SMYD1: variants seen among roughly 807,000 people sequenced by gnomAD.
The protein encoded by SMYD1 is SET and MYND domain containing 1, also known as histone-lysine N-methyltransferase SMYD1.
A neutral mutation model predicts 54.0 loss-of-function variants in SMYD1; 49 were observed. The ratio of observed to expected loss-of-function variants is 0.91; its 90% CI spans 0.72 to 1.15. The LOEUF is 1.15. Ranked by LOEUF, SMYD1 falls within the 50% of genes most tolerant of loss-of-function variation. The pLI is 0.00. For synonymous variants in SMYD1, 269 were observed against 234.2 expected (o/e 1.15, Z -1.36); for missense variants, 653 against 639.6 (o/e 1.02, Z -0.23).
intron 1 of SMYD1, among the ~76,000 whole-genome samples, chr2:88,080,067 T>G (rs1674154844): frequency 6.6e-6 from 1 of 152,252 alleles, no homozygotes; most frequent in African/African-American, 2.4e-5. Context: ...GTCAGCCATG[T>G]GGACTCAACT....
In SMYD1 at chr2:88,086,984, C is replaced by T. The variant is rs1573109223; in HGVS notation, c.315-878C>T. The stretch of plus-strand genomic sequence containing the variant: ...CATCTCCCAATGCTATCCCTCCCCC[C>T]TCCCCCCACCCCACCACAGTCCCCA... On this transcript the variant is annotated intron_variant, in intron 2 of 9. Transcript: ENST00000419482. 5.5e-5 allele frequency among the ~76,000 whole-genome samples: 6 copies of T among 108,254 alleles called. 1 individual carries two copies. The South Asian group carries it at 1.8e-3, about 33-fold the overall frequency. The allele number at this position is 108,254 out of a possible 152,430, so 71.0% of individuals were successfully genotyped here.
intron 5 of SMYD1, among the ~76,000 whole-genome samples, chr2:88,094,107 T>G (rs1257195742): frequency 6.6e-6 from 1 of 152,170 alleles, no homozygotes; most frequent in Non-Finnish European, 1.5e-5. Context: ...GGTCTTAGGG[T>G]GGGGTTGACA....
chr2:88,082,165 A>G (rs1407961696), intron 1 of SMYD1, among the ~76,000 whole-genome samples: 1 of 152,018 alleles, frequency 6.6e-6, no homozygotes, highest in African/African-American at 2.4e-5. Context: ...CCTAGTTATG[A>G]TGGGCTGCAT....
intron 5 of SMYD1, among the ~76,000 whole-genome samples, chr2:88,094,130 G>A (rs568849792): frequency 1.3e-5 from 2 of 152,318 alleles, no homozygotes; most frequent in East Asian, 3.9e-4. Context: ...TCTTGAAATA[G>A]TCTTTGGATT....
At chr2:88,109,721 A>C (rs1218683335) in intron 9 of SMYD1, among the ~76,000 whole-genome samples, 1 of 152,262 alleles carries the variant, frequency 6.6e-6, no homozygotes, top group East Asian at 1.9e-4. Flanking sequence ...TATAAAATGG[A>C]AATAATATAT....
intron 1 of SMYD1, among the ~76,000 whole-genome samples, chr2:88,072,440 T>G (rs1673969362): frequency 6.6e-6 from 1 of 152,230 alleles, no homozygotes; most frequent in South Asian, 2.1e-4. Context: ...CGTGAGCCAC[T>G]GCGCCTGGCA....
At chr2:88,106,552 T>C (rs1324278015) in intron 8 of SMYD1, 64 bp downstream of exon 8, 2 of 1,547,798 alleles carry the variant, frequency 1.3e-6, no homozygotes, top group African/African-American at 1.4e-5. Flanking sequence ...GGATGGCAAA[T>C]AGATGGCACA....
chr2:88,074,687 G>A (rs1674021292), intron 1 of SMYD1, among the ~76,000 whole-genome samples: 1 of 152,130 alleles, frequency 6.6e-6, no homozygotes, highest in South Asian at 2.1e-4. Flanking sequence ...AAAAACTTGA[G>A]CAGTCTCTAA....
chr2:88,096,739 A>G lies in SMYD1; in HGVS notation c.843A>G (p.Lys281=). 3.1e-6 allele frequency: 5 copies of G among 1,614,198 alleles called. No individual in the cohort carries two copies. Among genetic ancestry groups the G allele is most frequent in the Non-Finnish European group, 4.2e-6 (5 of 1,180,028 alleles). Reference sequence around the variant, plus strand: ...ACTGCACATGTGAACACTGCCAGAAAAAACTGAAGGATGACCTCTTCCTGG... The same window carrying G: ...ACTGCACATGTGAACACTGCCAGAAGAAACTGAAGGATGACCTCTTCCTGG... The part of the protein sequence containing the change: ...YFDCTCEHCQ[K]KLKDDLFLGV... The change falls in exon 6 of 10, where the codon AAA becomes AAG. Residue 281 remains lysine (K), a synonymous_variant. Transcript: ENST00000419482.
At chr2:88,080,367 T>C (rs751712829) in intron 1 of SMYD1, among the ~76,000 whole-genome samples, 1 of 152,220 alleles carries the variant, frequency 6.6e-6, no homozygotes, top group Non-Finnish European at 1.5e-5. Context: ...CACATATTAG[T>C]GTATACATGA....
At chr2:88,093,074 T>G (rs1674498193) in intron 4 of SMYD1, among the ~76,000 whole-genome samples, 1 of 152,194 alleles carries the variant, frequency 6.6e-6, no homozygotes, top group Non-Finnish European at 1.5e-5. Flanking sequence ...TTACATACTA[T>G]CTCTGTGACC....
chr2:88,110,671 C>A lies in SMYD1; in HGVS notation c.*159C>A. The stretch of plus-strand genomic sequence containing the variant: ...CCTATGTTTCCCAGAGCCATTTTGG[C>A]TCAATTCAAGTCTATTCAATTCAAG... On this transcript the variant is annotated 3_prime_UTR_variant, in exon 10 of 10. Transcript: ENST00000419482. 2 of 938,610 alleles carry A rather than the reference C, an allele frequency of 2.1e-6. No homozygotes were observed. The highest frequency in any genetic ancestry group is 3.0e-6 in the Non-Finnish European group (2 of 660,438). The allele number at this position is 938,610 out of a possible 1,614,324, so 58.1% of individuals were successfully genotyped here. A position where few individuals can be genotyped will look rare whatever the true frequency, so the allele number is the denominator to read the frequency against.
intron 2 of SMYD1, among the ~76,000 whole-genome samples, chr2:88,086,906 C>CA (rs1350039883): frequency 6.7e-6 from 1 of 149,778 alleles, no homozygotes; most frequent in Non-Finnish European, 1.5e-5. Context: ...CATATGTATA[C>CA]ATGTGCCATG....
rs190050535 is a variant in SMYD1, at chr2:88,073,361, T to C, written c.137+5360T>C. ...GTCCTTGCTACTGTGGATAGTGCTG[T>C]GATAAACATATGAGTGCAGGTGTGT... On this transcript the variant is annotated intron_variant, in intron 1 of 9. Transcript: ENST00000419482. Among the ~76,000 whole-genome samples, 100 of 152,346 alleles carry C rather than the reference T, an allele frequency of 6.6e-4. 1 individual carries two copies. Among genetic ancestry groups the C allele is most frequent in the African/African-American group, 2.3e-3 (97 of 41,578 alleles).
chr2:88,081,258 C>A (rs1485162941), intron 1 of SMYD1, among the ~76,000 whole-genome samples: 1 of 151,946 alleles, frequency 6.6e-6, no homozygotes, highest in Non-Finnish European at 1.5e-5. Context: ...ATGCATATGT[C>A]AGAACCTATC....
Position 88,112,205 on chromosome 2 carries a change from C to T in SMYD1, c.*1693C>T. ...TAACTGGCTAGTTCAAATTATCACT[C>T]TTTTACCTTCATATAAAATGTCTCC... is the stretch of plus-strand genomic sequence containing the variant. On this transcript the variant is annotated 3_prime_UTR_variant, in exon 10 of 10. Transcript: ENST00000419482. 3 of 697,698 alleles carry T rather than the reference C, an allele frequency of 4.3e-6. No individual in the cohort carries two copies. The Admixed American group carries it at 6.0e-5, about 14-fold the overall frequency. 43.2% of individuals were successfully genotyped at this position (697,698 alleles called of 1,614,324 possible). A position where few individuals can be genotyped will look rare whatever the true frequency, so the allele number is the denominator to read the frequency against.
chr2:88,090,576 A>G (rs1674438933), intron 3 of SMYD1, among the ~76,000 whole-genome samples: 1 of 152,098 alleles, frequency 6.6e-6, no homozygotes, highest in Admixed American at 6.5e-5. Flanking sequence ...ATTTTTTTTT[A>G]TGAACAGCTA....
chr2:88,068,570 T>G (rs1673881067), intron 1 of SMYD1, among the ~76,000 whole-genome samples: 2 of 151,888 alleles, frequency 1.3e-5, no homozygotes, highest in African/African-American at 4.8e-5. Context: ...ATTACATACA[T>G]ATATCTGCAC....
rs1410820800 is a variant in SMYD1, at chr2:88,067,944, T to C, written c.80T>C (p.Phe27Ser). The C allele has an allele frequency of 6.2e-7, 1 of 1,613,888 alleles. No individual in the cohort carries two copies. The highest frequency in any genetic ancestry group is 8.5e-7 in the Non-Finnish European group (1 of 1,180,022). ...AGGGGTCTGAAGGCCACCAAGGAGT[T>C]CTGGGCTGCAGATATCATCTTTGCT... is the stretch of plus-strand genomic sequence containing the variant. ...KGRGLKATKE[F>S]WAADIIFAER... The change falls in exon 1 of 10, where the codon TTC (phenylalanine) becomes TCC (serine). Residue 27 changes from phenylalanine to serine, a missense_variant. Coordinates refer to ENST00000419482, the MANE Select transcript of SMYD1 (RefSeq NM_198274.4).
Sources: allele counts gnomAD v4.1 joint callset (sites outside exome capture counted in the v4.1 genomes callset), GRCh38; gene constraint gnomAD v4.1.1; transcripts MANE v1.5; gene names NCBI Gene and HGNC (gene_info 2026-07-23, HGNC 2026-07-21).